SUGCT: variants seen among roughly 807,000 people sequenced by gnomAD.
The protein encoded by SUGCT is succinyl-CoA:glutarate-CoA transferase, also known as succinyl-CoA:glutarate CoA-transferase.
A neutral mutation model predicts 55.0 loss-of-function variants in SUGCT; 41 were observed. The observed-to-expected ratio is 0.74, with a 90% CI of 0.58 to 0.97. SUGCT has a LOEUF of 0.97. Ranked by LOEUF, SUGCT falls within the 50% of genes least tolerant of loss-of-function variation. The pLI, the probability that SUGCT is intolerant of heterozygous loss-of-function variation, is 0.00. For missense variants in SUGCT, 568 were observed against 547.8 expected (o/e 1.04, Z -0.37); for synonymous variants, 187 against 200.4 (o/e 0.93, Z 0.56).
At chr7:40,651,930 A>G (rs1415630418) in intron 12 of SUGCT, among the ~76,000 whole-genome samples, 2 of 151,904 alleles carry the variant, frequency 1.3e-5, no homozygotes, top group African/African-American at 2.4e-5. Context: ...GTCATCACTC[A>G]TTTTATTTCA....
chr7:40,992,784 T>C, the SUGCT span, among the ~76,000 whole-genome samples: 1 of 152,190 alleles, frequency 6.6e-6, no homozygotes. Context: ...ATTTTCTCTT[T>C]GGACCTCAGT....
intron 9 of SUGCT, among the ~76,000 whole-genome samples, chr7:40,442,750 T>A (rs1350236079): frequency 6.6e-6 from 1 of 152,168 alleles, no homozygotes; most frequent in Non-Finnish European, 1.5e-5. Context: ...TACTTTAAGT[T>A]CCAGGGTACA....
chr7:40,567,978 CTT>C (rs1796239536), intron 12 of SUGCT, among the ~76,000 whole-genome samples: 1 of 152,186 alleles, frequency 6.6e-6, no homozygotes, highest in Non-Finnish European at 1.5e-5. Flanking sequence ...GCTTATTAGA[CTT>C]TGTCATTTTC....
At chr7:40,628,146 C>A (rs763698074) in intron 12 of SUGCT, among the ~76,000 whole-genome samples, 3 of 152,138 alleles carry the variant, frequency 2.0e-5, no homozygotes, top group Non-Finnish European at 2.9e-5. Flanking sequence ...GAGAGAGAGA[C>A]CATATCCACA....
chr7:40,719,171 G>A (rs939743866), intron 12 of SUGCT, among the ~76,000 whole-genome samples: 4 of 152,170 alleles, frequency 2.6e-5, no homozygotes, highest in Non-Finnish European at 4.4e-5. Context: ...ATCCTTCAGG[G>A]CATTGACTGT....
chr7:40,295,445 G>A (rs113612321), intron 8 of SUGCT, among the ~76,000 whole-genome samples: 9,926 of 152,060 alleles, frequency 0.065, 644 homozygotes, highest in African/African-American at 0.17. Flanking sequence ...GCATGGTGGC[G>A]CACGCCTGTA....
At chr7:40,798,980 G>A (rs370091689) in intron 13 of SUGCT, among the ~76,000 whole-genome samples, 9 of 152,118 alleles carry the variant, frequency 5.9e-5, no homozygotes, top group Non-Finnish European at 1.0e-4. Context: ...AAATCCCTGC[G>A]GATTTTTGCT....
At chr7:40,728,020 C>T (rs2128692572) in intron 12 of SUGCT, among the ~76,000 whole-genome samples, 2 of 152,192 alleles carry the variant, frequency 1.3e-5, no homozygotes, top group South Asian at 4.1e-4. Flanking sequence ...CTGAGATGAG[C>T]ATTTTTATGC....
the SUGCT span, among the ~76,000 whole-genome samples, chr7:40,923,884 T>C: frequency 6.6e-6 from 1 of 152,162 alleles, no homozygotes; most frequent in African/African-American, 2.4e-5. Flanking sequence ...ATGATAAACT[T>C]CCTCATTTGA....
At chr7:40,224,789 C>G (rs149837419) in intron 6 of SUGCT, among the ~76,000 whole-genome samples, 175 of 152,260 alleles carry the variant, frequency 1.1e-3, no homozygotes, top group African/African-American at 4.1e-3. Context: ...CAGATCAGAC[C>G]GGACCTCTTT....
At chr7:40,948,248 A>G in the SUGCT span, among the ~76,000 whole-genome samples, 1 of 152,176 alleles carries the variant, frequency 6.6e-6, no homozygotes, top group Non-Finnish European at 1.5e-5. Context: ...AAATACAAGC[A>G]TGGCTATTTG....
At chr7:40,876,581 T>A in the SUGCT span, among the ~76,000 whole-genome samples, 2 of 152,232 alleles carry the variant, frequency 1.3e-5, no homozygotes, top group Admixed American at 1.3e-4. Flanking sequence ...ATGCCACCCA[T>A]GGCTTAGAAG....
chr7:40,742,478 G>T (rs920747642), intron 12 of SUGCT, among the ~76,000 whole-genome samples: 4 of 152,072 alleles, frequency 2.6e-5, no homozygotes, highest in African/African-American at 9.7e-5. Context: ...GCGTCCAACC[G>T]AGATCCCTCA....
At chr7:40,931,137 G>C in the SUGCT span, among the ~76,000 whole-genome samples, 1 of 152,170 alleles carries the variant, frequency 6.6e-6, no homozygotes, top group East Asian at 1.9e-4. Context: ...ATGAAGGGCA[G>C]TTGAATTTTG....
the SUGCT span, among the ~76,000 whole-genome samples, chr7:40,881,668 A>G: frequency 6.6e-6 from 1 of 152,188 alleles, no homozygotes; most frequent in African/African-American, 2.4e-5. Context: ...AATAACCCCA[A>G]TCTCTTTTCC....
At chr7:40,383,946 T>G (rs1784993454) in intron 9 of SUGCT, among the ~76,000 whole-genome samples, 1 of 152,114 alleles carries the variant, frequency 6.6e-6, no homozygotes, top group South Asian at 2.1e-4. Context: ...ACGAAATGCT[T>G]GAAAGGTAGC....
At chr7:40,223,352 C>T (rs1788154673) in intron 6 of SUGCT, among the ~76,000 whole-genome samples, 1 of 152,200 alleles carries the variant, frequency 6.6e-6, no homozygotes. Flanking sequence ...TAAGCCACTG[C>T]ACCCAGCCTG....
At chr7:40,510,980 G>A (rs1263490714) in intron 12 of SUGCT, among the ~76,000 whole-genome samples, 1 of 152,152 alleles carries the variant, frequency 6.6e-6, no homozygotes, top group Non-Finnish European at 1.5e-5. Context: ...TTAGGATGGA[G>A]TTAGGGATAT....
intron 8 of SUGCT, among the ~76,000 whole-genome samples, chr7:40,284,529 A>G (rs1258767141): frequency 2.0e-5 from 3 of 148,058 alleles, no homozygotes; most frequent in Non-Finnish European, 3.0e-5. Context: ...AATTGCTTGA[A>G]CCCGGGAGAC....
Sources: allele counts gnomAD v4.1 joint callset (sites outside exome capture counted in the v4.1 genomes callset), GRCh38; gene constraint gnomAD v4.1.1; transcripts MANE v1.5; gene names NCBI Gene and HGNC (gene_info 2026-07-23, HGNC 2026-07-21).